Variants in PIGG observed in about 807,000 individuals in gnomAD.
PIGG encodes GPI ethanolamine phosphate transferase 2, catalytic subunit.
In PIGG, 70 loss-of-function variants were observed where a neutral mutation model predicts 83.2. That is an observed-to-expected ratio of 0.84 (90% CI 0.69 to 1.03). The LOEUF (loss-of-function observed/expected upper bound fraction) is 1.03. PIGG is among the 50% of genes least tolerant of loss of function. The probability of loss-of-function intolerance (pLI) is 0.00; values close to 1 mark genes in which losing one functional copy is unlikely to be tolerated. For missense variants in PIGG, 1,257 were observed against 1,233.6 expected (o/e 1.02, Z -0.28); for synonymous variants, 532 against 519.5 (o/e 1.02, Z -0.33).
In PIGG at chr4:523,827, A is replaced by C. The variant is rs1208970997; in HGVS notation, c.1983A>C (p.Ile661=). ...TGGTGCTGGCCAGTCCGTGGCTAAT[A>C]CTGGCCTGCTGCCGGCTGCTGCGCT... ...KWMVLASPWL[I]LACCRLLRSL... is the part of the protein sequence containing the mutation. Residue 661 remains isoleucine (I), a synonymous_variant, in exon 9 of 13, where the codon ATA becomes ATC. Transcript: ENST00000453061. 6.2e-7 allele frequency: 1 copy of C among 1,611,614 alleles called. No individual in the cohort carries two copies. Among genetic ancestry groups the C allele is most frequent in the Admixed American group, 1.7e-5 (1 of 59,782 alleles).
intron 12 of PIGG, among the ~76,000 whole-genome samples, chr4:536,024 T>C (rs1419587638): frequency 1.3e-5 from 2 of 152,188 alleles, no homozygotes; most frequent in Non-Finnish European, 2.9e-5. Flanking sequence ...CACCCGTGCC[T>C]GCCTTTGAGC....
At chr4:506,076 A>C in intron 3 of PIGG, 149 bp downstream of exon 3, 1 of 631,818 alleles carries the variant, frequency 1.6e-6, no homozygotes, top group Non-Finnish European at 2.8e-6. Context: ...AAAATTATTC[A>C]CTCACATAAT....
At position 520,806 on chromosome 4, in the gene PIGG, C is replaced by T. The variant is rs536775503; in HGVS notation, c.1115-250C>T. ...CACAGGGGTCAGTCACTGCCATCCG[C>T]GGGTGTATGCCAAGGACCAAGGCCT... On this transcript the variant is annotated intron_variant, in intron 6 of 12. Coordinates refer to ENST00000453061, the MANE Select transcript of PIGG (RefSeq NM_001127178.3). Among the ~76,000 whole-genome samples, 19 of 152,318 alleles carry T rather than the reference C, an allele frequency of 1.2e-4. No individual in the cohort carries two copies. In the South Asian group the frequency reaches 3.3e-3, roughly 27 times the overall value.
chr4:533,446 C>T (rs71602468), intron 11 of PIGG: 5,413 of 196,040 alleles, frequency 0.028, 96 homozygotes, highest in African/African-American at 0.041. Context: ...GATGGGGGTC[C>T]TTGAGGGGAG....
intron 9 of PIGG, 33 bp downstream of exon 9, chr4:523,946 CT>C: frequency 7.3e-7 from 1 of 1,362,506 alleles, no homozygotes; most frequent in Admixed American, 2.8e-5. Flanking sequence ...ACAGGCCAGA[CT>C]TTCTACGGCC....
At chr4:522,238 G>A in intron 8 of PIGG, 3 of 586,950 alleles carry the variant, frequency 5.1e-6, no homozygotes, top group East Asian at 5.6e-5. Flanking sequence ...CGGTCACAGA[G>A]GAACAAGCCC....
Position 521,220 on chromosome 4 carries a change from G to A in PIGG, c.1279G>A (p.Val427Met), listed in dbSNP as rs771869296. 5 of 1,614,204 alleles carry A rather than the reference G, an allele frequency of 3.1e-6. No homozygotes were observed. The South Asian group carries it at 4.4e-5, about 14-fold the overall frequency. ...GCTGAGCTTGTCCCTGAGTGCACAA[G>A]TGGCCCAGTACGACATCTATTCGAT... ...KTLSLSLSAQVAQYDIYSMMV... is the reference protein window; with the variant it reads ...KTLSLSLSAQMAQYDIYSMMV... The change falls in exon 7 of 13, where the codon GTG (valine) becomes ATG (methionine). Residue 427 changes from valine (V) to methionine (M), a missense_variant. Physicochemically the swap from Val to Met is conservative, Grantham distance 21. Coordinates refer to ENST00000453061, the MANE Select transcript of PIGG (RefSeq NM_001127178.3).
chr4:532,958 AG>A (rs202044395), intron 11 of PIGG: 287 of 132,786 alleles, frequency 2.2e-3, no homozygotes, highest in African/African-American at 3.6e-3. Flanking sequence ...CTTGGAGTGG[AG>A]AGGCGGGGCC....
chr4:522,399 C>T (rs1368776353), intron 8 of PIGG: 5 of 259,862 alleles, frequency 1.9e-5, no homozygotes, highest in Non-Finnish European at 3.7e-5. Flanking sequence ...AGAATGCATC[C>T]TGCCTCATCA....
intron 12 of PIGG, among the ~76,000 whole-genome samples, chr4:538,761 T>TG (rs1399360201): frequency 2.0e-5 from 3 of 152,178 alleles, no homozygotes; most frequent in East Asian, 3.9e-4. Context: ...ATACTGTAGG[T>TG]GATTTTTACA....
rs782639938 is a variant in PIGG, at chr4:500,525, A to C, written c.284A>C (p.Tyr95Ser). The change falls in exon 2 of 13, where the codon TAC becomes TCC. Residue 95 changes from tyrosine to serine, a missense_variant. Physicochemically the swap from Tyr to Ser is moderately radical, Grantham distance 144 (BLOSUM62 -2). Transcript: ENST00000453061. Reference sequence around the variant, plus strand: ...GTGAAATTTATGCCCTACACAACTTACCTTGTGGAAAAAGGAGCATCTCAC... The same window carrying C: ...GTGAAATTTATGCCCTACACAACTTCCCTTGTGGAAAAAGGAGCATCTCAC... ...KGVKFMPYTTYLVEKGASHSF... is the reference protein window; with the variant it reads ...KGVKFMPYTTSLVEKGASHSF... 1.2e-6 allele frequency: 2 copies of C among 1,613,760 alleles called. No individual in the cohort carries two copies. The highest frequency in any genetic ancestry group is 1.7e-6 in the Non-Finnish European group (2 of 1,179,632).
chr4:506,972 G>T, intron 3 of PIGG: 1 of 309,232 alleles, frequency 3.2e-6, no homozygotes, highest in South Asian at 2.7e-5. Context: ...TGCCCATTAA[G>T]CCCAGCAGTG....
rs558932157 is a variant in PIGG at position 504,102 on chromosome 4, G to A, written c.361-1616G>A. 5.3e-5 allele frequency among the ~76,000 whole-genome samples: 8 copies of A among 152,312 alleles called. No homozygotes were observed. In the South Asian group the frequency reaches 1.7e-3, roughly 32 times the overall value. ...ACCCTAGGAATGTTGGTGGCTGTTA[G>A]GGTTATTTTGGTTGTTTGTATAGTG... On this transcript the variant is annotated intron_variant, in intron 2 of 12. Coordinates refer to ENST00000453061, the MANE Select transcript of PIGG (RefSeq NM_001127178.3).
At chr4:513,874 G>T (rs1375574158) in intron 5 of PIGG, among the ~76,000 whole-genome samples, 1 of 152,132 alleles carries the variant, frequency 6.6e-6, no homozygotes, top group Non-Finnish European at 1.5e-5. Context: ...AAAATCAAGA[G>T]GCCAGAAATA....
At position 530,240 on chromosome 4, in the gene PIGG, A is replaced by G. The variant is rs371547567; in HGVS notation, c.2262-196A>G. On this transcript the variant is annotated intron_variant, in intron 10 of 12. Transcript: ENST00000453061. ...TGTGGGCCTGTGGCGGCGGCTCCTC[A>G]GGGCTGCTGTGCGGAGGAGACATGC... 2.3e-3 allele frequency among the ~76,000 whole-genome samples: 356 copies of G among 152,258 alleles called. 1 individual carries two copies. The highest frequency in any genetic ancestry group is 8.1e-3 in the African/African-American group (338 of 41,540).
intron 5 of PIGG, among the ~76,000 whole-genome samples, chr4:513,170 G>T (rs1722774890): frequency 6.6e-6 from 1 of 152,204 alleles, no homozygotes; most frequent in Non-Finnish European, 1.5e-5. Flanking sequence ...AATTTCCAGA[G>T]ACTGTGAATG....
intron 5 of PIGG, among the ~76,000 whole-genome samples, chr4:512,818 T>C (rs1272417255): frequency 6.6e-6 from 1 of 151,916 alleles, no homozygotes; most frequent in East Asian, 1.9e-4. Flanking sequence ...CATCTAAAAA[T>C]AGTAATAATA....
At chr4:517,187 G>A (rs1360773741) in intron 6 of PIGG, among the ~76,000 whole-genome samples, 5 of 152,196 alleles carry the variant, frequency 3.3e-5, no homozygotes, top group Non-Finnish European at 4.4e-5. Flanking sequence ...TTCGAAGGCT[G>A]TCTCAGGCGC....
intron 2 of PIGG, chr4:500,978 A>G: frequency 2.6e-6 from 1 of 388,286 alleles, no homozygotes; most frequent in South Asian, 2.0e-5. Flanking sequence ...GACTTTATAG[A>G]TAGGAAAGCA....
Sources: gnomAD v4.1 joint callset for allele counts (sites outside exome capture counted in the v4.1 genomes callset) on GRCh38, gnomAD v4.1.1 for gene constraint, MANE v1.5 for transcripts, NCBI Gene and HGNC (gene_info 2026-07-23, HGNC 2026-07-21) for gene names.